Variants in ZNF695 observed in about 807,000 individuals in gnomAD.
ZNF695 encodes the protein zinc finger protein 695, also known as zinc finger protein SBZF3.
A neutral mutation model predicts 11.2 loss-of-function variants in ZNF695; 11 were observed. That is an observed-to-expected ratio of 0.98 (90% confidence interval 0.62 to 1.62). The LOEUF (loss-of-function observed/expected upper bound fraction) is 1.62, where lower values mean the gene tolerates loss of function less well. Ranked by LOEUF, ZNF695 falls within the 40% of genes most tolerant of loss-of-function variation. The probability of loss-of-function intolerance (pLI) is 0.00; values close to 1 mark genes in which losing one functional copy is unlikely to be tolerated. For missense variants in ZNF695, 559 were observed against 590.5 expected (o/e 0.95, Z 0.55); for synonymous variants, 190 against 201.4 (o/e 0.94, Z 0.48).
chr1:246,997,898 G>A (rs1558319789), intron 3 of ZNF695, among the ~76,000 whole-genome samples: 1 of 152,156 alleles, frequency 6.6e-6, no homozygotes, highest in Non-Finnish European at 1.5e-5. Context: ...AAGGAGGTAG[G>A]AAAATGGAAG....
chr1:247,003,728 G>A (rs1669455739), intron 1 of ZNF695, among the ~76,000 whole-genome samples: 1 of 152,148 alleles, frequency 6.6e-6, no homozygotes. Flanking sequence ...TTCCAAATAA[G>A]ATGTAATGCT....
intron 3 of ZNF695, among the ~76,000 whole-genome samples, chr1:246,993,346 G>A (rs1282699365): frequency 4.6e-5 from 7 of 152,084 alleles, no homozygotes; most frequent in Non-Finnish European, 8.8e-5. Context: ...GGCAGAGGGT[G>A]CAGTGAGCCG....
At chr1:247,007,449 T>G (rs1159701759) in intron 1 of ZNF695, among the ~76,000 whole-genome samples, 7 of 132,734 alleles carry the variant, frequency 5.3e-5, no homozygotes, top group Admixed American at 1.8e-4. Flanking sequence ...TGAGCCGAGA[T>G]CGAGCCACCG....
At chr1:246,981,072 G>A (rs775908527), downstream of ZNF695, among the ~76,000 whole-genome samples, 4 of 152,098 alleles carry the variant, frequency 2.6e-5, no homozygotes, top group Admixed American at 2.0e-4. Context: ...TAAAAATGGG[G>A]AAAATATCTA....
chr1:247,004,069 G>C (rs566170247), intron 1 of ZNF695, among the ~76,000 whole-genome samples: 1 of 152,114 alleles, frequency 6.6e-6, no homozygotes, highest in East Asian at 1.9e-4. Flanking sequence ...AAAATTAGCC[G>C]GGTGTGGTGG....
At chr1:246,981,811 T>C (rs767338481), downstream of ZNF695, among the ~76,000 whole-genome samples, 3 of 152,190 alleles carry the variant, frequency 2.0e-5, no homozygotes, top group Non-Finnish European at 2.9e-5. Context: ...GGAAATTGTT[T>C]TAATCCAAAA....
At chr1:246,996,694 T>A (rs114415191) in intron 3 of ZNF695, among the ~76,000 whole-genome samples, 3,206 of 152,292 alleles carry the variant, frequency 0.021, 50 homozygotes, top group Non-Finnish European at 0.032. Flanking sequence ...ATGTACCCCA[T>A]AAATATATAC....
chr1:246,983,686 T>C (rs2103020227), downstream of ZNF695, among the ~76,000 whole-genome samples: 1 of 151,996 alleles, frequency 6.6e-6, no homozygotes, highest in South Asian at 2.1e-4. Context: ...GGCATGGTGG[T>C]GCGTGCCTGT....
chr1:246,991,451 AG>A (rs1379107274), intron 3 of ZNF695, among the ~76,000 whole-genome samples: 1 of 152,246 alleles, frequency 6.6e-6, no homozygotes, highest in Non-Finnish European at 1.5e-5. Context: ...AATCCGAGCC[AG>A]AAAAAGCTCA....
chr1:246,976,686 C>T (rs910671337), intron 4 of ZNF695, among the ~76,000 whole-genome samples: 10 of 151,982 alleles, frequency 6.6e-5, no homozygotes, highest in Admixed American at 2.0e-4. Context: ...CCCAGCTACT[C>T]GGGAGGCTGA....
At position 246,993,322 on chromosome 1, in the gene ZNF695, G is replaced by C. The variant is rs543418731; in HGVS notation, c.260-5067C>G. On this transcript the variant is annotated intron_variant, in intron 3 of 3. Transcript: ENST00000339986. ...CTTGGGAGGCTAAGGCAGGAGAATT[G>C]CTTGAACCCGGGAGGCAGAGGGTGC... Among the ~76,000 whole-genome samples, 494 of 152,160 alleles carry C rather than the reference G, an allele frequency of 3.2e-3. 3 individuals are homozygous for C. The highest frequency in any genetic ancestry group is 5.5e-3 in the Non-Finnish European group (373 of 67,992).
Position 246,988,326 on chromosome 1 carries a change from T to C in ZNF695, c.260-71A>G. 2.5e-6 allele frequency: 3 copies of C among 1,181,590 alleles called. No individual in the cohort carries two copies. In the South Asian group the frequency reaches 4.8e-5, roughly 19 times the overall value. The allele number at this position is 1,181,590 out of a possible 1,614,324, so 73.2% of individuals were successfully genotyped here. ...TCCTTTACAAATCTAAGGCATAAAATTATACAAGCATATTAGCAAGATAGC... is the reference window on the plus strand; with the variant it reads ...TCCTTTACAAATCTAAGGCATAAAACTATACAAGCATATTAGCAAGATAGC... On this transcript the variant is annotated intron_variant, in intron 3 of 3. Transcript: ENST00000339986.
intron 5 of ZNF695, among the ~76,000 whole-genome samples, chr1:246,955,474 A>G (rs771452424): frequency 7.2e-5 from 11 of 152,132 alleles, no homozygotes; most frequent in Non-Finnish European, 1.0e-4. Context: ...TGTATAAGTA[A>G]TTTTATTTAA....
chr1:246,945,824 G>A (rs1434174733), exon 6 of ZNF695: 1 of 1,549,954 alleles, frequency 6.5e-7, no homozygotes, highest in Admixed American at 2.0e-5. Flanking sequence ...TCGACGACTG[G>A]ACCCTGAAAA....
At chr1:246,972,916 TTATATTTTTAATGTG>T in intron 4 of ZNF695, among the ~76,000 whole-genome samples, 1 of 127,118 alleles carries the variant, frequency 7.9e-6, no homozygotes, top group East Asian at 2.1e-4. Flanking sequence ...TGATGTCAAC[TTATATTTTTAATGTG>T]TATATATATA....
In ZNF695 at chr1:246,994,105, G is replaced by A. The variant is rs1669122999; in HGVS notation, c.259+5243C>T. ...CACAAGAATCACTTGAACCTGGGCG[G>A]CGGAGGAACAAAAGCGTAAAAATAA... is the stretch of plus-strand genomic sequence containing the variant. On this transcript the variant is annotated intron_variant, in intron 3 of 3. Coordinates refer to ENST00000339986, the MANE Select transcript of ZNF695 (RefSeq NM_020394.5). Among the ~76,000 whole-genome samples the A allele has an allele frequency of 2.6e-5, 4 of 152,178 alleles. No homozygotes were observed. The South Asian group carries it at 8.3e-4, about 32-fold the overall frequency.
intron 5 of ZNF695, among the ~76,000 whole-genome samples, chr1:246,953,535 C>T (rs553055613): frequency 9.2e-5 from 14 of 151,982 alleles, no homozygotes; most frequent in Non-Finnish European, 1.5e-4. Context: ...CGTTTGAACC[C>T]GGGAGGCAGA....
At chr1:246,965,215 G>C (rs1668256314) in intron 5 of ZNF695, among the ~76,000 whole-genome samples, 3 of 152,034 alleles carry the variant, frequency 2.0e-5, no homozygotes, top group African/African-American at 7.2e-5. Context: ...ACATTAGCTG[G>C]GCATGGTGGC....
chr1:246,947,137 CAA>C (rs756767246), intron 5 of ZNF695, among the ~76,000 whole-genome samples: 58 of 90,310 alleles, frequency 6.4e-4, no homozygotes, highest in Middle Eastern at 8.1e-3. Flanking sequence ...GAGACTCCGT[CAA>C]AAAAAAAAAA....
Sources: gnomAD v4.1 joint callset for allele counts (sites outside exome capture counted in the v4.1 genomes callset) on GRCh38, gnomAD v4.1.1 for gene constraint, MANE v1.5 for transcripts, NCBI Gene and HGNC (gene_info 2026-07-23, HGNC 2026-07-21) for gene names.